The following PNKP variants were observed in gnomAD, a reference collection of about 807,000 sequenced individuals.
PNKP encodes the protein polynucleotide kinase 3'-phosphatase, also known as bifunctional polynucleotide phosphatase/kinase.
A neutral mutation model predicts 66.2 loss-of-function variants in PNKP; 82 were observed. The observed-to-expected ratio is 1.24, with a 90% confidence interval of 1.04 to 1.49. PNKP has a LOEUF of 1.49. PNKP is among the 40% of genes most tolerant of loss of function. The pLI is 0.00. For missense variants in PNKP, 907 were observed against 706.8 expected, an observed-to-expected ratio of 1.28 and a Z score of -3.21; for synonymous variants, 412 against 298.9, an observed-to-expected ratio of 1.38 and a Z score of -3.90.
rs2122318761 is a variant in PNKP, at chr19:49,861,631, C to T, written c.1363G>A (p.Glu455Lys). The T allele has an allele frequency of 1.3e-6, 2 of 1,554,944 alleles. No individual in the cohort carries two copies. Among genetic ancestry groups the T allele is most frequent in the Non-Finnish European group, 1.7e-6 (2 of 1,149,694 alleles). Reference sequence around the variant, plus strand: ...ACCCGGTTGTTGTGGCGCGCCTGCTCCAGAGTGGCGGTGAAGAGGAAGCAG... The same window carrying T: ...ACCCGGTTGTTGTGGCGCGCCTGCTTCAGAGTGGCGGTGAAGAGGAAGCAG... ...CRCFLFTATL[E>K]QARHNNRFRE... The change falls in exon 15 of 17, where the codon GAG (glutamate) becomes AAG (lysine). Residue 455 changes from glutamate to lysine, a missense_variant. Physicochemically the swap from Glu to Lys is moderately conservative, Grantham distance 56 (BLOSUM62 1). Coordinates refer to ENST00000322344, the MANE Select transcript of PNKP (RefSeq NM_007254.4).
chr19:49,866,930 G>T (rs898310280), intron 2 of PNKP, 124 bp downstream of exon 2: 7 of 915,320 alleles, frequency 7.6e-6, no homozygotes, highest in Non-Finnish European at 1.1e-5. Flanking sequence ...GTACTCCCTA[G>T]AGAGCACCTT....
At chr19:49,862,510 G>A (rs1285600675) in intron 10 of PNKP, 28 bp downstream of exon 10, 12 of 1,602,100 alleles carry the variant, frequency 7.5e-6, no homozygotes, top group Non-Finnish European at 9.4e-6. Flanking sequence ...GTCGGGCTCG[G>A]GCGCGGGGCA....
chr19:49,864,006 G>A lies in PNKP; in HGVS notation c.702C>T (p.Ala234=), dbSNP rs780010690. 6.2e-7 allele frequency: 1 copy of A among 1,613,918 alleles called. No homozygotes were observed. The highest frequency in any genetic ancestry group is 1.3e-5 in the African/African-American group (1 of 74,928). ...GCTTCTCCACCACAGCCTCCACCTT[G>A]GCCTTGAACTCCTCGGCTGGCAGCT... The part of the protein sequence containing the change: ...RGKLPAEEFK[A]KVEAVVEKLG... Residue 234 remains alanine (A), a synonymous_variant, in exon 7 of 17, where the codon GCC becomes GCT. Transcript: ENST00000322344.
At chr19:49,865,620 TTTTTTC>T (rs1287209825) in intron 3 of PNKP, 194 bp from the exon 4 acceptor site, 9,958 of 442,192 alleles carry the variant, frequency 0.023, 7 homozygotes, top group Middle Eastern at 0.041. Context: ...TTTTTTTTTT[TTTTTTC>T]CCCTGGAGAT....
At chr19:49,866,332 G>C in intron 3 of PNKP, 67 bp downstream of exon 3, 1 of 1,439,126 alleles carries the variant, frequency 6.9e-7, no homozygotes, top group Non-Finnish European at 9.8e-7. Context: ...CCCCTTCACT[G>C]ACGGCTTGCA....
At chr19:49,864,156 T>C (rs774972325) in intron 6 of PNKP, 23 bp downstream of exon 6, 11 of 1,613,730 alleles carry the variant, frequency 6.8e-6, no homozygotes, top group African/African-American at 2.7e-5. Flanking sequence ...CACGTGCCCA[T>C]GCAGACAGGC....
chr19:49,863,664 G>A (rs759473391), intron 8 of PNKP, 25 bp downstream of exon 8: 99 of 1,538,080 alleles, frequency 6.4e-5, no homozygotes, highest in Non-Finnish European at 8.5e-5. Context: ...AAAAGGAGGG[G>A]GGCCGGGCAG....
intron 3 of PNKP, 174 bp from the exon 4 acceptor site, chr19:49,865,600 T>TA: frequency 3.9e-5 from 18 of 462,286 alleles, no homozygotes; most frequent in Non-Finnish European, 5.3e-5. Flanking sequence ...CTTGTCCGAA[T>TA]CTTTTTTTTT....
In PNKP at chr19:49,863,755, C is replaced by T; in HGVS notation, c.750G>A (p.Leu250=). 1 of 1,559,244 alleles carries T rather than the reference C, an allele frequency of 6.4e-7. No homozygotes were observed. Among genetic ancestry groups the T allele is most frequent in the South Asian group, 1.2e-5 (1 of 84,858 alleles). Residue 250 remains leucine (L), a synonymous_variant, in exon 8 of 17, where the codon CTG becomes CTA. Transcript: ENST00000322344. ...VEKLGVPFQV[L]VATHAGLYRK... ...GGTACAAGCCTGCGTGCGTGGCCAC[C>T]AGCACCTGTGGATGGGAGGGGGCCA... is the stretch of plus-strand genomic sequence containing the variant.
intron 8 of PNKP, among the ~76,000 whole-genome samples, chr19:49,863,207 C>T (rs1202646627): frequency 6.6e-6 from 1 of 152,180 alleles, no homozygotes; most frequent in African/African-American, 2.4e-5. Flanking sequence ...GGACCGCTTT[C>T]CCCAGGTGTC....
At chr19:49,862,346 C>T (rs2074779737) in intron 11 of PNKP, 25 bp downstream of exon 11, 1 of 1,384,866 alleles carries the variant, frequency 7.2e-7, no homozygotes, top group Non-Finnish European at 1.0e-6. Flanking sequence ...CCATCCCCAC[C>T]CCCACCCCCG....
chr19:49,861,244 G>C lies in PNKP; in HGVS notation c.*4C>G. ...GTTTATTGTGGAGGGGAGCTGGGCG[G>C]GGCTCAGCCCTCGGAGAACTGGCAG... On this transcript the variant is annotated 3_prime_UTR_variant, in exon 17 of 17. Coordinates refer to ENST00000322344, the MANE Select transcript of PNKP (RefSeq NM_007254.4). 6.4e-7 allele frequency: 1 copy of C among 1,562,914 alleles called. No individual in the cohort carries two copies. Among genetic ancestry groups the C allele is most frequent in the Non-Finnish European group, 8.8e-7 (1 of 1,133,708 alleles).
chr19:49,863,377 G>A (rs923980267), intron 8 of PNKP, among the ~76,000 whole-genome samples: 2 of 152,178 alleles, frequency 1.3e-5, no homozygotes, highest in African/African-American at 4.8e-5. Flanking sequence ...CACCGCCCTC[G>A]CCGTGAGGGC....
intron 1 of PNKP, 38 bp from the exon 2 acceptor site, chr19:49,867,255 C>G: frequency 6.4e-7 from 1 of 1,557,200 alleles, no homozygotes; most frequent in Non-Finnish European, 8.7e-7. Flanking sequence ...GGCGCACAGC[C>G]CCAATTTGCT....
At chr19:49,864,100 T>C (rs2122334841) in intron 6 of PNKP, 29 bp from the exon 7 acceptor site, 1 of 1,611,996 alleles carries the variant, frequency 6.2e-7, no homozygotes. Flanking sequence ...CACCAGACGC[T>C]CTGCTCACCA....
At chr19:49,863,038 G>A (rs1427192073) in intron 8 of PNKP, among the ~76,000 whole-genome samples, 1 of 152,110 alleles carries the variant, frequency 6.6e-6, no homozygotes, top group South Asian at 2.1e-4. Flanking sequence ...CGCCTCCCAG[G>A]TTCCCCCTCC....
rs763725051 is a variant in PNKP, at chr19:49,862,589, G to A, written c.885C>T (p.Ala295=). Residue 295 remains alanine, a synonymous_variant, in exon 10 of 17, where the codon GCC becomes GCT. Transcript: ENST00000322344. The part of the protein sequence containing the change: ...IFVGDAAGRP[A]NWAPGRKKKD... ...TCTTCTTCCGCCCCGGGGCCCAGTT[G>A]GCCGGGCGTCCGGCTGCGTCTGGAA... is the stretch of plus-strand genomic sequence containing the variant. The A allele has an allele frequency of 8.1e-5, 131 of 1,613,388 alleles. No homozygotes were observed. Among genetic ancestry groups the A allele is most frequent in the Non-Finnish European group, 1.1e-4 (127 of 1,179,718 alleles).
At chr19:49,867,269 G>C in intron 1 of PNKP, 52 bp from the exon 2 acceptor site, 1 of 1,523,636 alleles carries the variant, frequency 6.6e-7, no homozygotes, top group African/African-American at 1.4e-5. Context: ...ATTTGCTGCA[G>C]GAAGTCCCGC....
At chr19:49,866,211 G>A in intron 3 of PNKP, 188 bp downstream of exon 3, 1 of 678,004 alleles carries the variant, frequency 1.5e-6, no homozygotes, top group Non-Finnish European at 2.7e-6. Flanking sequence ...TGTCGCTCAG[G>A]CTGGTCTCGA....
Sources: gnomAD v4.1 joint callset for allele counts (sites outside exome capture counted in the v4.1 genomes callset) on GRCh38, gnomAD v4.1.1 for gene constraint, MANE v1.5 for transcripts, NCBI Gene and HGNC (gene_info 2026-07-23, HGNC 2026-07-21) for gene names.